The following BICD1 variants were observed in gnomAD, a reference collection of about 807,000 sequenced individuals.
BICD1 encodes the protein BICD cargo adaptor 1.
A neutral mutation model predicts 92.5 loss-of-function variants in BICD1; 35 were observed. The observed-to-expected ratio is 0.38, with a 90% confidence interval of 0.29 to 0.50. The LOEUF (loss-of-function observed/expected upper bound fraction) is 0.50, where lower values mean the gene tolerates loss of function less well. Among genes scored for constraint, BICD1 ranks in the 20% least tolerant of loss-of-function variants. The probability of loss-of-function intolerance (pLI) is 0.93; values close to 1 mark genes in which losing one functional copy is unlikely to be tolerated. For synonymous variants in BICD1, 429 were observed against 465.1 expected (o/e 0.92, Z 1.00); for missense variants, 950 against 1,189.8 (o/e 0.80, Z 2.97).
intron 1 of BICD1, among the ~76,000 whole-genome samples, chr12:32,212,809 C>T (rs1350025994): frequency 6.6e-6 from 1 of 152,196 alleles, no homozygotes; most frequent in African/African-American, 2.4e-5. Flanking sequence ...ATAGTATCTC[C>T]TTGGTGTTCA....
At chr12:32,115,610 A>T (rs1673864) in intron 1 of BICD1, among the ~76,000 whole-genome samples, 43,912 of 151,940 alleles carry the variant, frequency 0.29, 6,577 homozygotes, top group Admixed American at 0.43. Flanking sequence ...GAAGGTGGTG[A>T]AAATGGTACC....
chr12:32,284,580 G>T (rs1053181280), intron 2 of BICD1, among the ~76,000 whole-genome samples: 3 of 152,098 alleles, frequency 2.0e-5, no homozygotes, highest in African/African-American at 7.2e-5. Flanking sequence ...TGCTTAATTT[G>T]TTCTCTTTGA....
chr12:32,127,370 C>T (rs993907263), intron 1 of BICD1, among the ~76,000 whole-genome samples: 2 of 151,974 alleles, frequency 1.3e-5, no homozygotes, highest in Non-Finnish European at 2.9e-5. Context: ...CCCATGATTC[C>T]ACCCCACCCC....
chr12:32,312,672 T>G (rs1948410579), intron 4 of BICD1, among the ~76,000 whole-genome samples: 1 of 152,184 alleles, frequency 6.6e-6, no homozygotes, highest in Admixed American at 6.5e-5. Flanking sequence ...AATACAGGAA[T>G]ATTTTAAACT....
intron 1 of BICD1, among the ~76,000 whole-genome samples, chr12:32,134,468 A>G (rs1379775417): frequency 6.6e-6 from 1 of 152,228 alleles, no homozygotes; most frequent in Non-Finnish European, 1.5e-5. Flanking sequence ...ATACAGGGAT[A>G]CAGAGGTCAA....
At chr12:32,243,289 T>A (rs1180605126) in intron 2 of BICD1, among the ~76,000 whole-genome samples, 1 of 137,778 alleles carries the variant, frequency 7.3e-6, no homozygotes, top group Non-Finnish European at 1.5e-5. Context: ...TTTTTTTGTA[T>A]TTTTGGTAGA....
chr12:32,174,875 C>T (rs1258333529), intron 1 of BICD1, among the ~76,000 whole-genome samples: 2 of 152,176 alleles, frequency 1.3e-5, no homozygotes, highest in African/African-American at 2.4e-5. Context: ...TTCTGATTCA[C>T]AAGCATGAAA....
At chr12:32,263,832 T>C (rs979317772) in intron 2 of BICD1, among the ~76,000 whole-genome samples, 18 of 152,202 alleles carry the variant, frequency 1.2e-4, no homozygotes, top group African/African-American at 4.3e-4. Flanking sequence ...AAGCGAGGGA[T>C]TGTTCTACAC....
chr12:32,323,370 A>G (rs1054425598), intron 4 of BICD1, among the ~76,000 whole-genome samples: 7 of 152,254 alleles, frequency 4.6e-5, no homozygotes, highest in Non-Finnish European at 8.8e-5. Context: ...CACAATAGCT[A>G]ACATTGTAGA....
intron 5 of BICD1, among the ~76,000 whole-genome samples, 160 bp from the exon 6 acceptor site, chr12:32,334,356 C>T (rs929144059): frequency 6.6e-6 from 1 of 152,140 alleles, no homozygotes; most frequent in Non-Finnish European, 1.5e-5. Flanking sequence ...TAAAGAAAAA[C>T]TTCCCTGTGT....
intron 2 of BICD1, among the ~76,000 whole-genome samples, chr12:32,231,832 GC>G (rs767601710): frequency 3.2e-4 from 48 of 148,542 alleles, no homozygotes; most frequent in Non-Finnish European, 5.8e-4. Flanking sequence ...GTGAGAATAT[GC>G]AGTGTTTGTT....
chr12:32,210,344 A>G (rs1945181491), intron 1 of BICD1, among the ~76,000 whole-genome samples: 1 of 152,208 alleles, frequency 6.6e-6, no homozygotes, highest in African/African-American at 2.4e-5. Flanking sequence ...AAGAACGAAA[A>G]TTCTGTGATC....
At chr12:32,343,187 C>T (rs997810383) in intron 8 of BICD1, among the ~76,000 whole-genome samples, 2 of 152,186 alleles carry the variant, frequency 1.3e-5, no homozygotes, top group Non-Finnish European at 2.9e-5. Flanking sequence ...GACCTTGACT[C>T]AAAAGGGACC....
intron 1 of BICD1, among the ~76,000 whole-genome samples, chr12:32,166,462 A>C (rs550422127): frequency 6.6e-6 from 1 of 152,104 alleles, no homozygotes; most frequent in South Asian, 2.1e-4. Context: ...GATTGTCACA[A>C]CTGGGGGGAT....
At position 32,163,862 on chromosome 12, in the gene BICD1, C is replaced by G. The variant is rs183358392; in HGVS notation, c.214-52385C>G. ...CAGGCCAATGGTCAGAACCCAAGACCCCTGCGTTATCATTTCACATGTGTA... is the reference window on the plus strand; with the variant it reads ...CAGGCCAATGGTCAGAACCCAAGACGCCTGCGTTATCATTTCACATGTGTA... On this transcript the variant is annotated intron_variant, in intron 1 of 9. Coordinates refer to ENST00000652176, the MANE Select transcript of BICD1 (RefSeq NM_001714.4). 1.1e-4 allele frequency among the ~76,000 whole-genome samples: 16 copies of G among 152,270 alleles called. 1 individual carries two copies. The highest frequency in any genetic ancestry group is 1.0e-3 in the Admixed American group (16 of 15,300).
chr12:32,323,618 GCTTTC>G (rs1948707896), intron 4 of BICD1, among the ~76,000 whole-genome samples: 1 of 152,220 alleles, frequency 6.6e-6, no homozygotes. Context: ...TTTGTGGGTT[GCTTTC>G]CTTTCATAGG....
intron 8 of BICD1, chr12:32,339,271 C>A: frequency 9.2e-7 from 1 of 1,085,416 alleles, no homozygotes; most frequent in Non-Finnish European, 1.1e-6. Flanking sequence ...ACACTTGGAT[C>A]CTATTTGCAG....
chr12:32,325,139 C>T (rs538283460), intron 4 of BICD1, among the ~76,000 whole-genome samples: 2 of 78,328 alleles, frequency 2.6e-5, no homozygotes, highest in African/African-American at 1.0e-4. Context: ...GCACCTGGCT[C>T]CATTTATGTT....
intron 4 of BICD1, among the ~76,000 whole-genome samples, chr12:32,308,412 A>T (rs962615710): frequency 6.6e-6 from 1 of 152,212 alleles, no homozygotes; most frequent in Non-Finnish European, 1.5e-5. Context: ...ATGGAATGGG[A>T]TACATAATAC....
Sources: allele counts gnomAD v4.1 joint callset (sites outside exome capture counted in the v4.1 genomes callset), GRCh38; gene constraint gnomAD v4.1.1; transcripts MANE v1.5; gene names NCBI Gene and HGNC (gene_info 2026-07-23, HGNC 2026-07-21).